RBFOX3: variants seen among roughly 807,000 people sequenced by gnomAD.
RBFOX3 encodes the protein RNA binding fox-1 homolog 3.
Under a neutral mutation model 48.7 loss-of-function variants are expected in RBFOX3, and 17 were observed. That is an observed-to-expected ratio of 0.35 (90% CI 0.24 to 0.52). The LOEUF (loss-of-function observed/expected upper bound fraction) is 0.52, where lower values mean the gene tolerates loss of function less well. Ranked by LOEUF, RBFOX3 falls within the 20% of genes least tolerant of loss-of-function variation. The pLI is 0.94. For missense variants in RBFOX3, 382 were observed against 497.5 expected (o/e 0.77, Z 2.21); for synonymous variants, 212 against 209.5 (o/e 1.01, Z -0.10).
Position 79,103,324 on chromosome 17 carries a change from AG to A in RBFOX3, c.415-71del. On this transcript the variant is annotated intron_variant, in intron 7 of 14. Transcript: ENST00000693108. This position sits in a 1 kb window ranked among gnomAD's most constrained non-coding sequence, Gnocchi z 6.1. Reference sequence around the variant, plus strand: ...CAGGGCGAGAAAGAGGAGGAAGACGAGGAAGAAGAGGAGTGGGAGGGGGGCA... The same window carrying A: ...CAGGGCGAGAAAGAGGAGGAAGACGAGAAGAAGAGGAGTGGGAGGGGGGCA... The A allele has an allele frequency of 1.1e-6, 1 of 943,178 alleles. No individual in the cohort carries two copies. Among genetic ancestry groups the A allele is most frequent in the Non-Finnish European group, 1.7e-6 (1 of 604,120 alleles). 58.4% of individuals were successfully genotyped at this position (943,178 alleles called of 1,614,324 possible).
intron 4 of RBFOX3, among the ~76,000 whole-genome samples, chr17:79,191,317 A>G (rs2054475944): frequency 6.6e-6 from 1 of 152,134 alleles, no homozygotes; most frequent in Non-Finnish European, 1.5e-5. Context: ...AGGACCTTCA[A>G]ACTCTGACCA....
At chr17:79,434,144 G>A (rs1232560595) in intron 2 of RBFOX3, among the ~76,000 whole-genome samples, 1 of 152,152 alleles carries the variant, frequency 6.6e-6, no homozygotes, top group African/African-American at 2.4e-5. Context: ...TCTCAGAAAG[G>A]ACGCTTTGTA....
At chr17:79,207,717 T>C (rs2057706458) in intron 4 of RBFOX3, among the ~76,000 whole-genome samples, 1 of 152,150 alleles carries the variant, frequency 6.6e-6, no homozygotes, top group South Asian at 2.1e-4. Flanking sequence ...TGCTGCCCTC[T>C]GGGGAGGACT....
chr17:79,435,561 C>T (rs542732896), intron 2 of RBFOX3, among the ~76,000 whole-genome samples: 3 of 152,328 alleles, frequency 2.0e-5, no homozygotes, highest in African/African-American at 7.2e-5. Flanking sequence ...TCCTCCAGGG[C>T]GTTTAGGAGT....
chr17:79,584,601 A>T (rs2093179751), intron 1 of RBFOX3, among the ~76,000 whole-genome samples: 2 of 152,274 alleles, frequency 1.3e-5, no homozygotes, highest in East Asian at 3.9e-4. Context: ...AAAAAGGAAC[A>T]AAATAATGGC....
chr17:79,515,657 TC>T (rs1261990870), intron 1 of RBFOX3, among the ~76,000 whole-genome samples: 1 of 152,136 alleles, frequency 6.6e-6, no homozygotes, highest in Non-Finnish European at 1.5e-5. Context: ...CAATGCCACC[TC>T]CCACATTGCC....
chr17:79,097,770 G>C, intron 9 of RBFOX3, 25 bp from the exon 10 acceptor site: 1 of 1,550,552 alleles, frequency 6.4e-7, no homozygotes, highest in African/African-American at 1.4e-5. Flanking sequence ...CAGAGACCTA[G>C]TCACTGCCTT....
chr17:79,295,509 G>A (rs1377409163), intron 3 of RBFOX3, among the ~76,000 whole-genome samples: 1 of 152,212 alleles, frequency 6.6e-6, no homozygotes, highest in African/African-American at 2.4e-5. Flanking sequence ...CTCAGGGAAG[G>A]GCAGGGGCTT....
chr17:79,530,740 A>G (rs1220701555), intron 1 of RBFOX3, among the ~76,000 whole-genome samples: 1 of 152,174 alleles, frequency 6.6e-6, no homozygotes, highest in African/African-American at 2.4e-5. Context: ...CGGGACAATC[A>G]CCACAGTGTG....
chr17:79,603,347 G>A lies in RBFOX3; in HGVS notation c.-320+7479C>T, dbSNP rs1176434571. Among the ~76,000 whole-genome samples, 29 of 152,250 alleles carry A rather than the reference G, an allele frequency of 1.9e-4. No individual in the cohort carries two copies. The South Asian group carries it at 5.0e-3, about 26-fold the overall frequency. On this transcript the variant is annotated intron_variant, in intron 1 of 14. Coordinates refer to ENST00000693108, the MANE Select transcript of RBFOX3 (RefSeq NM_001350451.2). ...AGTGGAGGCATGGGGAGAGCACACCGGGCCCATTGAGGGGACACAGCACAG... is the reference window on the plus strand; with the variant it reads ...AGTGGAGGCATGGGGAGAGCACACCAGGCCCATTGAGGGGACACAGCACAG...
Position 79,103,325 on chromosome 17 carries a change from G to T in RBFOX3, c.415-71C>A. 1 of 1,053,294 alleles carries T rather than the reference G, an allele frequency of 9.5e-7. No homozygotes were observed. The highest frequency in any genetic ancestry group is 1.4e-6 in the Non-Finnish European group (1 of 696,346). 65.2% of individuals were successfully genotyped at this position (1,053,294 alleles called of 1,614,324 possible). On this transcript the variant is annotated intron_variant, in intron 7 of 14. Coordinates refer to ENST00000693108, the MANE Select transcript of RBFOX3 (RefSeq NM_001350451.2). This position sits in a 1 kb window ranked among gnomAD's most constrained non-coding sequence, Gnocchi z 6.1. ...AGGGCGAGAAAGAGGAGGAAGACGA[G>T]GAAGAAGAGGAGTGGGAGGGGGGCA...
chr17:79,436,885 C>A (rs1392180553), intron 2 of RBFOX3, among the ~76,000 whole-genome samples: 1 of 152,142 alleles, frequency 6.6e-6, no homozygotes, highest in African/African-American at 2.4e-5. Flanking sequence ...CACCCACCCC[C>A]TCCACTTGGC....
At chr17:79,622,247 C>T in the RBFOX3 span, among the ~76,000 whole-genome samples, 2 of 152,206 alleles carry the variant, frequency 1.3e-5, no homozygotes, top group Non-Finnish European at 2.9e-5. Flanking sequence ...ACCGCCTGCC[C>T]GTGGAGCCTG....
chr17:79,476,924 G>A (rs2077863381), intron 2 of RBFOX3, among the ~76,000 whole-genome samples: 2 of 152,068 alleles, frequency 1.3e-5, no homozygotes, highest in South Asian at 4.2e-4. Context: ...AGAGGAAAAG[G>A]AGACGGAAGA....
At chr17:79,466,012 G>A (rs1210820742) in intron 2 of RBFOX3, among the ~76,000 whole-genome samples, 1 of 152,230 alleles carries the variant, frequency 6.6e-6, no homozygotes, top group African/African-American at 2.4e-5. Context: ...CCAGCCCAGA[G>A]GTCGTCTCCA....
intron 2 of RBFOX3, among the ~76,000 whole-genome samples, chr17:79,398,262 T>C (rs1426728632): frequency 6.6e-6 from 1 of 152,104 alleles, no homozygotes; most frequent in Non-Finnish European, 1.5e-5. Context: ...CCCCCAAGTA[T>C]GGGAGCGTCC....
intron 2 of RBFOX3, among the ~76,000 whole-genome samples, chr17:79,461,384 C>T (rs2075347549): frequency 6.6e-6 from 1 of 152,198 alleles, no homozygotes; most frequent in South Asian, 2.1e-4. Context: ...TTCCATTCTC[C>T]CTGGGACAGT....
intron 3 of RBFOX3, among the ~76,000 whole-genome samples, chr17:79,285,971 C>T (rs2071771933): frequency 6.6e-6 from 1 of 152,248 alleles, no homozygotes; most frequent in Non-Finnish European, 1.5e-5. Flanking sequence ...GCGTGAGCCA[C>T]TGCACCCGGC....
chr17:79,416,719 C>T (rs1271950482), intron 2 of RBFOX3, among the ~76,000 whole-genome samples: 4 of 152,252 alleles, frequency 2.6e-5, no homozygotes, highest in African/African-American at 7.2e-5. Flanking sequence ...TCAGCAGCCC[C>T]TTGGATCTAT....
Sources: allele counts gnomAD v4.1 joint callset (sites outside exome capture counted in the v4.1 genomes callset), GRCh38; gene constraint gnomAD v4.1.1; non-coding constraint Gnocchi (gnomAD v3.1); transcripts MANE v1.5; gene names NCBI Gene and HGNC (gene_info 2026-07-23, HGNC 2026-07-21).